MXI1: variants seen among roughly 807,000 people sequenced by gnomAD.
The protein encoded by MXI1 is MAX interactor 1, dimerization protein, also known as max-interacting protein 1.
A neutral mutation model predicts 36.9 loss-of-function variants in MXI1; 18 were observed. The ratio of observed to expected loss-of-function variants is 0.49; its 90% CI spans 0.34 to 0.72. The LOEUF (loss-of-function observed/expected upper bound fraction) is 0.72. Ranked by LOEUF, MXI1 falls within the 30% of genes least tolerant of loss-of-function variation. The pLI is 0.01. For synonymous variants in MXI1, 160 were observed against 146.7 expected (o/e 1.09, Z -0.65); for missense variants, 304 against 379.1 (o/e 0.80, Z 1.64).
chr10:110,269,486 C>T lies in MXI1; in HGVS notation c.438-9694C>T, dbSNP rs79224038. Among the ~76,000 whole-genome samples, 786 of 152,262 alleles carry T rather than the reference C, an allele frequency of 5.2e-3. 6 individuals are homozygous for T. The highest frequency in any genetic ancestry group is 0.018 in the African/African-American group (765 of 41,532). The stretch of plus-strand genomic sequence containing the variant: ...CACCATTTTAATTAGAGATCAGTAA[C>T]AGTATTTCGTCATTTCCCTCTTCCA... On this transcript the variant is annotated intron_variant, in intron 3 of 5. Transcript: ENST00000332674.
intron 3 of MXI1, among the ~76,000 whole-genome samples, chr10:110,257,994 AT>A (rs1474743911): frequency 6.6e-6 from 1 of 152,250 alleles, no homozygotes; most frequent in Non-Finnish European, 1.5e-5. Flanking sequence ...TACTAGTTTT[AT>A]AAATTTCATT....
At position 110,279,959 on chromosome 10, in the gene MXI1, T is replaced by C. The variant is rs374064908; in HGVS notation, c.598T>C (p.Leu200=). 3 of 1,611,540 alleles carry C rather than the reference T, an allele frequency of 1.9e-6. No homozygotes were observed. The highest frequency in any genetic ancestry group is 1.7e-6 in the Non-Finnish European group (2 of 1,179,092). Residue 200 remains leucine (L), a synonymous_variant, in exon 5 of 6, where the codon TTG becomes CTG. Coordinates refer to ENST00000332674, the MANE Select transcript of MXI1 (RefSeq NM_130439.3). The part of the protein sequence containing the change: ...ERKSQHQLEN[L]EREQRFLKWR... ...AAAAAGCCAGCACCAGCTCGAGAAT[T>C]TGGAACGAGAACAGAGATTTTTAAA...
intron 3 of MXI1, among the ~76,000 whole-genome samples, chr10:110,267,157 C>T (rs1390213987): frequency 2.0e-5 from 3 of 152,080 alleles, no homozygotes; most frequent in Non-Finnish European, 4.4e-5. Flanking sequence ...GTGTCTATTC[C>T]CTTTGAATCC....
chr10:110,221,227 T>A (rs1854799182), intron 1 of MXI1, among the ~76,000 whole-genome samples: 1 of 152,254 alleles, frequency 6.6e-6, no homozygotes, highest in Non-Finnish European at 1.5e-5. Context: ...TAAAAAAGCC[T>A]GAGTTCTAAC....
At chr10:110,271,144 G>A (rs1436743528) in intron 3 of MXI1, among the ~76,000 whole-genome samples, 1 of 151,540 alleles carries the variant, frequency 6.6e-6, no homozygotes, top group Non-Finnish European at 1.5e-5. Context: ...GAGACTGTTG[G>A]TTACTCTACA....
chr10:110,246,092 T>C (rs761472658), intron 3 of MXI1, among the ~76,000 whole-genome samples: 5 of 151,908 alleles, frequency 3.3e-5, no homozygotes, highest in Non-Finnish European at 5.9e-5. Context: ...AAAGCCCAGG[T>C]GGGAGGATCG....
intron 4 of MXI1, among the ~76,000 whole-genome samples, chr10:110,279,601 G>A (rs1857161405): frequency 6.6e-6 from 1 of 152,130 alleles, no homozygotes; most frequent in African/African-American, 2.4e-5. Flanking sequence ...GTGTCCTTCC[G>A]TATTTTTCCA....
intron 1 of MXI1, among the ~76,000 whole-genome samples, chr10:110,215,117 C>T (rs1047093022): frequency 1.4e-5 from 2 of 146,512 alleles, no homozygotes; most frequent in African/African-American, 5.0e-5. Flanking sequence ...TCTCAGCTCA[C>T]TGCAACCTCC....
chr10:110,246,011 C>A (rs999829514), intron 3 of MXI1, among the ~76,000 whole-genome samples: 1 of 151,998 alleles, frequency 6.6e-6, no homozygotes, highest in Non-Finnish European at 1.5e-5. Context: ...AAAATACTTT[C>A]TTTTTGGTGT....
At chr10:110,231,124 T>G (rs987415152) in intron 2 of MXI1, among the ~76,000 whole-genome samples, 28 of 152,190 alleles carry the variant, frequency 1.8e-4, no homozygotes, top group African/African-American at 6.8e-4. Context: ...TCCAGCACTT[T>G]GGGAGGCTGA....
intron 1 of MXI1, chr10:110,225,968 C>T: frequency 1.0e-6 from 1 of 966,056 alleles, no homozygotes; most frequent in Non-Finnish European, 1.2e-6. Flanking sequence ...GCTGCTCCCG[C>T]CCCTCCCCCG....
intron 3 of MXI1, among the ~76,000 whole-genome samples, chr10:110,276,888 T>A (rs12263999): frequency 1.3e-5 from 2 of 150,560 alleles, no homozygotes; most frequent in African/African-American, 4.9e-5. Flanking sequence ...ACTCTGTGGC[T>A]CAGGCAGAAT....
intron 3 of MXI1, chr10:110,261,214 C>T (rs1856497761): frequency 1.2e-6 from 1 of 826,640 alleles, no homozygotes; most frequent in Non-Finnish European, 1.5e-6. Context: ...AATGTCCTCA[C>T]TGCTTTGATA....
chr10:110,244,644 A>G (rs1301638312), intron 2 of MXI1, among the ~76,000 whole-genome samples, 184 bp from the exon 3 acceptor site: 1 of 152,110 alleles, frequency 6.6e-6, no homozygotes, highest in African/African-American at 2.4e-5. Context: ...AAAATACTAT[A>G]TTTGTATAAA....
intron 3 of MXI1, among the ~76,000 whole-genome samples, chr10:110,273,203 A>G (rs183269456): frequency 4.8e-4 from 73 of 151,670 alleles, no homozygotes; most frequent in Non-Finnish European, 8.5e-4. Context: ...ATGTGCCACC[A>G]CGCCTGGCTA....
chr10:110,246,440 A>T (rs1855865959), intron 3 of MXI1, among the ~76,000 whole-genome samples: 1 of 152,192 alleles, frequency 6.6e-6, no homozygotes, highest in African/African-American at 2.4e-5. Context: ...AACAAAAAAT[A>T]TATTGGCTAG....
intron 1 of MXI1, among the ~76,000 whole-genome samples, chr10:110,217,268 G>A (rs1156297493): frequency 6.6e-6 from 1 of 152,152 alleles, no homozygotes; most frequent in Non-Finnish European, 1.5e-5. Flanking sequence ...CGGAGGGAGA[G>A]GGAGATTGAG....
intron 2 of MXI1, among the ~76,000 whole-genome samples, chr10:110,229,167 C>G (rs775279482): frequency 2.4e-4 from 36 of 152,118 alleles, no homozygotes; most frequent in Non-Finnish European, 4.4e-4. Flanking sequence ...CAGTGAATTC[C>G]TAGGATTCAT....
intron 3 of MXI1, among the ~76,000 whole-genome samples, chr10:110,268,733 C>T (rs1280474455): frequency 2.7e-5 from 4 of 150,576 alleles, no homozygotes; most frequent in African/African-American, 9.8e-5. Flanking sequence ...TCAAAAACTA[C>T]TCTTCAGTTG....
Sources: allele counts gnomAD v4.1 joint callset (sites outside exome capture counted in the v4.1 genomes callset), GRCh38; gene constraint gnomAD v4.1.1; transcripts MANE v1.5; gene names NCBI Gene and HGNC (gene_info 2026-07-23, HGNC 2026-07-21).